TGM7: variants seen among roughly 807,000 people sequenced by gnomAD.
TGM7 encodes protein-glutamine gamma-glutamyltransferase Z.
A neutral mutation model predicts 79.5 loss-of-function variants in TGM7; 74 were observed. The observed-to-expected ratio is 0.93, with a 90% CI of 0.77 to 1.13. The LOEUF is 1.13. TGM7 is among the 50% of genes most tolerant of loss of function. The pLI, the probability that TGM7 is intolerant of heterozygous loss-of-function variation, is 0.00. For missense variants in TGM7, 912 were observed against 905.9 expected (o/e 1.01, Z -0.09); for synonymous variants, 354 against 362.5 (o/e 0.98, Z 0.27).
intron 2 of TGM7, among the ~76,000 whole-genome samples, 187 bp downstream of exon 2, chr15:43,293,262 G>T (rs2042972910): frequency 6.6e-6 from 1 of 152,162 alleles, no homozygotes; most frequent in Non-Finnish European, 1.5e-5. Flanking sequence ...CACAACCTCA[G>T]TTTGCCGAGT....
At chr15:43,293,123 T>C (rs894016234) in intron 2 of TGM7, among the ~76,000 whole-genome samples, 169 bp from the exon 3 acceptor site, 4 of 152,198 alleles carry the variant, frequency 2.6e-5, no homozygotes, top group African/African-American at 9.6e-5. Context: ...AGGCCTCCGT[T>C]TTTTAATCTG....
chr15:43,285,713 A>G (rs2042932137), intron 6 of TGM7, among the ~76,000 whole-genome samples: 1 of 152,232 alleles, frequency 6.6e-6, no homozygotes, highest in Admixed American at 6.5e-5. Context: ...AATCACAGTC[A>G]GCAACCATCT....
intron 11 of TGM7, among the ~76,000 whole-genome samples, chr15:43,277,696 G>C (rs2042885034): frequency 6.6e-6 from 1 of 152,214 alleles, no homozygotes; most frequent in South Asian, 2.1e-4. Flanking sequence ...CCTGGGCCTA[G>C]AACAGTGCCG....
In TGM7 at chr15:43,282,607, A is replaced by G; in HGVS notation, c.1018T>C (p.Trp340Arg). ...KRDKIWNFHV[W>R]NECWMIRKDL... is the part of the protein sequence containing the mutation. ...TTCCGGATCATCCAGCACTCATTCC[A>G]GACGTGGAAGTTCCTGCAGGAGGGA... is the stretch of plus-strand genomic sequence containing the variant. The change falls in exon 8 of 13, where the codon TGG (tryptophan) becomes CGG (arginine). Residue 340 changes from tryptophan to arginine, a missense_variant. Physicochemically the swap from Trp to Arg is moderately radical, Grantham distance 101. Coordinates refer to ENST00000452443, the MANE Select transcript of TGM7 (RefSeq NM_052955.3). 1 of 1,596,080 alleles carries G rather than the reference A, an allele frequency of 6.3e-7. No individual in the cohort carries two copies. Among genetic ancestry groups the G allele is most frequent in the Non-Finnish European group, 8.5e-7 (1 of 1,170,486 alleles).
intron 9 of TGM7, among the ~76,000 whole-genome samples, chr15:43,280,603 A>G (rs2042902952): frequency 6.6e-6 from 1 of 152,070 alleles, no homozygotes; most frequent in Non-Finnish European, 1.5e-5. Context: ...AGCCTGGGCA[A>G]CAAGAGTGAA....
intron 4 of TGM7, among the ~76,000 whole-genome samples, chr15:43,290,023 A>G (rs1301056802): frequency 6.6e-6 from 1 of 151,914 alleles, no homozygotes; most frequent in African/African-American, 2.4e-5. Context: ...TTGCCTGCTT[A>G]CTCTGATGGT....
chr15:43,292,064 A>G lies in TGM7; in HGVS notation c.473T>C (p.Leu158Pro). Residue 158 changes from leucine (L) to proline (P), a missense_variant, in exon 4 of 13, where the codon CTG becomes CCG. Transcript: ENST00000452443. ...ATAATCTCGCATGATATACTCCTGC[A>G]GCAGTATTTCACTTGGCAGGTAGAC... ...DDVYLPSEIL[L>P]QEYIMRDYGF... The G allele has an allele frequency of 1.9e-6, 3 of 1,614,044 alleles. No individual in the cohort carries two copies. The South Asian group carries it at 3.3e-5, about 18-fold the overall frequency.
Position 43,280,052 on chromosome 15 carries a change from C to T in TGM7, c.1352-101G>A, listed in dbSNP as rs530756274. On this transcript the variant is annotated intron_variant, in intron 9 of 12. Transcript: ENST00000452443. ...GCACAGGAATAGCAGCACAGGGAGG[C>T]GGCGCGGCTCAGGTGCTGCTTGCTG... 5.8e-5 allele frequency: 64 copies of T among 1,102,802 alleles called. 1 individual carries two copies. In the African/African-American group the frequency reaches 7.4e-4, roughly 13 times the overall value. The allele number at this position is 1,102,802 out of a possible 1,614,324, so 68.3% of individuals were successfully genotyped here.
intron 6 of TGM7, among the ~76,000 whole-genome samples, chr15:43,285,215 G>A (rs899595058): frequency 5.9e-5 from 9 of 152,160 alleles, no homozygotes; most frequent in African/African-American, 2.2e-4. Flanking sequence ...TATCATTTAG[G>A]AGTCTTTCCA....
intron 11 of TGM7, among the ~76,000 whole-genome samples, chr15:43,277,719 A>G (rs535224155): frequency 8.2e-4 from 125 of 152,328 alleles, no homozygotes; most frequent in African/African-American, 2.9e-3. Context: ...CAGATGATGG[A>G]TATCAGTAAG....
chr15:43,300,662 G>A (rs180837362), intron 1 of TGM7, among the ~76,000 whole-genome samples: 96 of 152,240 alleles, frequency 6.3e-4, no homozygotes, highest in African/African-American at 2.3e-3. Context: ...TTAGCCAGGC[G>A]TGGTAGCGGG....
At position 43,287,574 on chromosome 15, in the gene TGM7, G is replaced by C; in HGVS notation, c.654C>G (p.Asp218Glu). 6.2e-7 allele frequency: 1 copy of C among 1,614,122 alleles called. No homozygotes were observed. Among genetic ancestry groups the C allele is most frequent in the Non-Finnish European group, 8.5e-7 (1 of 1,180,014 alleles). ...NPAKDCSQRN[D>E]VVYVCRVVSA... is the part of the protein sequence containing the mutation. The stretch of plus-strand genomic sequence containing the variant: ...TCACCACCCTGCACACATACACCAC[G>C]TCGTTCCGCTGGGAACAGTCTTTGG... The change falls in exon 5 of 13, where the codon GAC becomes GAG. Residue 218 changes from aspartate (D) to glutamate (E), a missense_variant. By Grantham distance (45) the Asp-to-Glu change is conservative. Coordinates refer to ENST00000452443, the MANE Select transcript of TGM7 (RefSeq NM_052955.3).
chr15:43,281,910 TCTC>T lies in TGM7; in HGVS notation c.1282_1284del (p.Glu428del), dbSNP rs751696138. The T allele has an allele frequency of 2.8e-5, 45 of 1,614,086 alleles. No homozygotes were observed. The highest frequency in any genetic ancestry group is 3.4e-5 in the Non-Finnish European group (40 of 1,180,038). ...TCTGACCCCACCATCTTAGTGCTGATCTCCTTCCCGATGGAACTGGTGTTGTGG... is the reference window on the plus strand; with the variant it reads ...TCTGACCCCACCATCTTAGTGCTGATCTTCCCGATGGAACTGGTGTTGTGG... On this transcript the variant is annotated inframe_deletion, in exon 9 of 13. Coordinates refer to ENST00000452443, the MANE Select transcript of TGM7 (RefSeq NM_052955.3).
In TGM7 at chr15:43,287,604, G is replaced by A. The variant is rs374993636; in HGVS notation, c.624C>T (p.Asn208=). ...ILNKSLYHLK[N]PAKDCSQRND... ...TCCGCTGGGAACAGTCTTTGGCCGG[G>A]TTCTTTAAGTGATACAGGCTCTTGT... The change falls in exon 5 of 13, where the codon AAC becomes AAT. Residue 208 remains asparagine (N), a synonymous_variant. Transcript: ENST00000452443. The A allele has an allele frequency of 1.7e-5, 27 of 1,613,994 alleles. No homozygotes were observed. Among genetic ancestry groups the A allele is most frequent in the Non-Finnish European group, 2.2e-5 (26 of 1,180,038 alleles).
In TGM7 at chr15:43,279,340, G is replaced by C. The variant is rs2042894358; in HGVS notation, c.1679-63C>G. 8 of 1,532,012 alleles carry C rather than the reference G, an allele frequency of 5.2e-6. No individual in the cohort carries two copies. In the East Asian group the frequency reaches 1.6e-4, roughly 30 times the overall value. 94.9% of individuals were successfully genotyped at this position (1,532,012 alleles called of 1,614,324 possible). A position where few individuals can be genotyped will look rare whatever the true frequency, so the allele number is the denominator to read the frequency against. ...GGACCAGAGAGAGGGGGGACATGTA[G>C]ATGTGAGAGAGGAAAAATTAGAATT... is the stretch of plus-strand genomic sequence containing the variant. On this transcript the variant is annotated intron_variant, in intron 10 of 12. Transcript: ENST00000452443.
At chr15:43,301,941 G>A (rs1197272535) in intron 1 of TGM7, among the ~76,000 whole-genome samples, 1 of 152,150 alleles carries the variant, frequency 6.6e-6, no homozygotes, top group East Asian at 1.9e-4. Flanking sequence ...AAGGACACCT[G>A]GTGGCAGGGG....
intron 6 of TGM7, among the ~76,000 whole-genome samples, chr15:43,285,895 C>A (rs1245762829): frequency 1.3e-5 from 2 of 152,038 alleles, no homozygotes; most frequent in Non-Finnish European, 2.9e-5. Context: ...CAGATGAAGT[C>A]AAGCCAAGAG....
intron 1 of TGM7, among the ~76,000 whole-genome samples, chr15:43,294,462 G>C (rs1380982525): frequency 2.0e-5 from 3 of 152,230 alleles, no homozygotes; most frequent in African/African-American, 7.2e-5. Context: ...CTGAAAAATG[G>C]AGACAATTGT....
chr15:43,284,222 G>A (rs532999139), intron 7 of TGM7, among the ~76,000 whole-genome samples: 1 of 152,192 alleles, frequency 6.6e-6, no homozygotes, highest in Non-Finnish European at 1.5e-5. Context: ...CCAACACAGC[G>A]AGTCTTATCT....
Sources: gnomAD v4.1 joint callset for allele counts (sites outside exome capture counted in the v4.1 genomes callset) on GRCh38, gnomAD v4.1.1 for gene constraint, MANE v1.5 for transcripts, NCBI Gene and HGNC (gene_info 2026-07-23, HGNC 2026-07-21) for gene names.